The following INTS4 variants were observed in gnomAD, a reference collection of about 807,000 sequenced individuals.
The protein encoded by INTS4 is MSTP093.
INTS4 carries 70 observed loss-of-function variants against 119.5 expected under a neutral mutation model. The observed-to-expected ratio is 0.59, with a 90% confidence interval of 0.48 to 0.71. INTS4 has a LOEUF of 0.71. Ranked by LOEUF, INTS4 falls within the 30% of genes least tolerant of loss-of-function variation. INTS4 has a pLI of 0.00. For synonymous variants in INTS4, 316 were observed against 419.6 expected (o/e 0.75, Z 3.02); for missense variants, 867 against 1,173.2 (o/e 0.74, Z 3.81).
intron 2 of INTS4, among the ~76,000 whole-genome samples, chr11:77,988,511 A>G (rs1222470845): frequency 1.3e-5 from 2 of 152,336 alleles, no homozygotes; most frequent in East Asian, 3.9e-4. Context: ...AAGAAATTAT[A>G]CAGAATATTA....
intron 16 of INTS4, among the ~76,000 whole-genome samples, chr11:77,906,504 G>A (rs1394704864): frequency 6.6e-6 from 1 of 152,108 alleles, no homozygotes; most frequent in Non-Finnish European, 1.5e-5. Flanking sequence ...TGAATTCCTG[G>A]GGTTTCACAG....
intron 19 of INTS4, among the ~76,000 whole-genome samples, chr11:77,892,372 G>A (rs1346483483): frequency 6.6e-6 from 1 of 152,092 alleles, no homozygotes; most frequent in Non-Finnish European, 1.5e-5. Flanking sequence ...TGTGCCAGTG[G>A]ATAGTCAAAA....
At chr11:77,917,910 T>C in intron 15 of INTS4, 1 of 596,822 alleles carries the variant, frequency 1.7e-6, no homozygotes, top group Non-Finnish European at 3.0e-6. Flanking sequence ...CTGCATGTCC[T>C]CGCTCCTTGA....
At chr11:77,939,101 AG>A (rs1311943034) in intron 9 of INTS4, among the ~76,000 whole-genome samples, 1 of 152,266 alleles carries the variant, frequency 6.6e-6, no homozygotes, top group African/African-American at 2.4e-5. Flanking sequence ...GCAGCAACAT[AG>A]GAAAGAGAGA....
intron 18 of INTS4, 73 bp from the exon 19 acceptor site, chr11:77,894,422 C>T (rs1952421453): frequency 1.3e-6 from 1 of 782,702 alleles, no homozygotes; most frequent in African/African-American, 1.8e-5. Context: ...TCCCAGAAAC[C>T]TGAGCCTAAA....
At position 77,900,385 on chromosome 11, in the gene INTS4, C is replaced by A. The variant is rs577730540; in HGVS notation, c.2228+1036G>T. On this transcript the variant is annotated intron_variant, in intron 18 of 22. Transcript: ENST00000534064. ...AAGTGCTGGGATTACAGGTGTGAGC[C>A]ACCACACCCGGCCACATATGAATAT... Among the ~76,000 whole-genome samples, 463 of 152,272 alleles carry A rather than the reference C, an allele frequency of 3.0e-3. 3 individuals are homozygous for A. The highest frequency in any genetic ancestry group is 0.014 in the Middle Eastern group (4 of 294).
At chr11:77,941,273 G>A (rs775772945) in intron 8 of INTS4, 22 bp from the exon 9 acceptor site, 157 of 1,592,770 alleles carry the variant, frequency 9.9e-5, no homozygotes, top group Non-Finnish European at 1.2e-4. Context: ...AAAATCCAGA[G>A]CATATAAAAC....
At chr11:77,901,369 A>T in intron 18 of INTS4, 52 bp downstream of exon 18, 1 of 1,589,366 alleles carries the variant, frequency 6.3e-7, no homozygotes, top group Non-Finnish European at 8.6e-7. Context: ...AATGCATTTG[A>T]AGTATCTTTG....
chr11:77,937,896 G>A (rs1407577365), intron 10 of INTS4, among the ~76,000 whole-genome samples: 1 of 151,800 alleles, frequency 6.6e-6, no homozygotes, highest in Non-Finnish European at 1.5e-5. Context: ...TGCTCAGGCT[G>A]GAGTGCAGTG....
intron 4 of INTS4, among the ~76,000 whole-genome samples, chr11:77,970,801 C>T (rs891558843): frequency 6.6e-6 from 1 of 151,950 alleles, no homozygotes; most frequent in Admixed American, 6.6e-5. Context: ...GATAGCATCT[C>T]ATTGTGGGTT....
chr11:77,892,248 G>A (rs1952306307), intron 19 of INTS4, among the ~76,000 whole-genome samples: 1 of 152,186 alleles, frequency 6.6e-6, no homozygotes, highest in African/African-American at 2.4e-5. Context: ...TTGCTTCAAT[G>A]GAGCTTACAT....
chr11:77,981,402 T>A (rs761624687), intron 3 of INTS4, 57 bp downstream of exon 3: 12 of 833,028 alleles, frequency 1.4e-5, no homozygotes, highest in Non-Finnish European at 2.0e-5. Flanking sequence ...CTAAATTCTA[T>A]ACAAAAAGAA....
intron 1 of INTS4, among the ~76,000 whole-genome samples, chr11:77,994,174 GT>G (rs113215304): frequency 4.0e-5 from 6 of 151,110 alleles, no homozygotes; most frequent in East Asian, 1.9e-4. Flanking sequence ...TCCCTGGGAG[GT>G]TTTTTTTTGG....
At chr11:77,993,648 G>A (rs558737629) in intron 1 of INTS4, among the ~76,000 whole-genome samples, 1 of 149,070 alleles carries the variant, frequency 6.7e-6, no homozygotes, top group African/African-American at 2.5e-5. Flanking sequence ...TTTTGTATTT[G>A]TATTAACATA....
intron 8 of INTS4, among the ~76,000 whole-genome samples, chr11:77,942,696 C>T (rs1953957832): frequency 6.6e-6 from 1 of 152,036 alleles, no homozygotes; most frequent in Non-Finnish European, 1.5e-5. Flanking sequence ...CATAAGGAAT[C>T]AAAATGAAAG....
Position 77,941,175 on chromosome 11 carries a change from G to A in INTS4, c.990+5C>T. On this transcript the variant is annotated splice_donor_5th_base_variant and intron_variant, in intron 9 of 22. Transcript: ENST00000534064. ...CCACTTTAAACAACAAAGAATAAAA[G>A]GTACCCTCAGATCTGACATCAGCTT... 1 of 1,612,204 alleles carries A rather than the reference G, an allele frequency of 6.2e-7. No homozygotes were observed. The highest frequency in any genetic ancestry group is 8.5e-7 in the Non-Finnish European group (1 of 1,179,452).
At chr11:77,927,026 G>A (rs1953523453) in intron 11 of INTS4, among the ~76,000 whole-genome samples, 1 of 152,146 alleles carries the variant, frequency 6.6e-6, no homozygotes, top group Non-Finnish European at 1.5e-5. Context: ...TCCTGGATAT[G>A]TTACCTAATA....
At chr11:77,940,904 G>A (rs1565260343) in intron 9 of INTS4, among the ~76,000 whole-genome samples, 1 of 152,054 alleles carries the variant, frequency 6.6e-6, no homozygotes, top group Non-Finnish European at 1.5e-5. Flanking sequence ...CAAAGTGCTG[G>A]GATTACAGGT....
intron 4 of INTS4, among the ~76,000 whole-genome samples, chr11:77,977,644 G>A (rs1014337546): frequency 8.0e-5 from 12 of 150,874 alleles, no homozygotes; most frequent in Admixed American, 6.0e-4. Context: ...GTATCTTTCC[G>A]AATTTTCTAT....
Sources: gnomAD v4.1 joint callset for allele counts (sites outside exome capture counted in the v4.1 genomes callset) on GRCh38, gnomAD v4.1.1 for gene constraint, MANE v1.5 for transcripts, NCBI Gene and HGNC (gene_info 2026-07-23, HGNC 2026-07-21) for gene names.